Variants in NR2F1-AS1 observed in about 807,000 individuals in gnomAD.
NR2F1-AS1 encodes NR2F1 antisense RNA 1.
intron 4 of NR2F1-AS1, among the ~76,000 whole-genome samples, chr5:93,419,062 G>A (rs543846259): frequency 6.6e-6 from 1 of 152,252 alleles, no homozygotes; most frequent in South Asian, 2.1e-4. Flanking sequence ...ACATTACCAT[G>A]TTCACTACAG....
At chr5:93,543,174 G>A (rs1312505233) in intron 4 of NR2F1-AS1, 1 of 152,098 alleles carries the variant, frequency 6.6e-6, no homozygotes, top group Non-Finnish European at 1.5e-5. Context: ...AAGCCTCCAG[G>A]ACTCTCCAAA....
At chr5:93,527,750 G>C (rs1299864679) in intron 4 of NR2F1-AS1, among the ~76,000 whole-genome samples, 1 of 152,118 alleles carries the variant, frequency 6.6e-6, no homozygotes, top group Non-Finnish European at 1.5e-5. Flanking sequence ...ATGGGGAAAG[G>C]ACTCCCTATT....
chr5:93,585,083 C>T (rs753932507), upstream of NR2F1-AS1: 20 of 1,021,420 alleles, frequency 2.0e-5, no homozygotes, highest in Admixed American at 5.5e-5. Flanking sequence ...GGGGCAACCC[C>T]GGCGGCCCCA....
At chr5:93,573,417 A>C (rs1229050246) in intron 1 of NR2F1-AS1, among the ~76,000 whole-genome samples, 1 of 152,138 alleles carries the variant, frequency 6.6e-6, no homozygotes. Context: ...CTTTGCCCAG[A>C]TGCGCCTTTC....
Position 93,409,502 on chromosome 5 carries a change from C to A in NR2F1-AS1, n.639-13960G>T, listed in dbSNP as rs1462761483. On this transcript the variant is annotated intron_variant and non_coding_transcript_variant, in intron 4 of 5. Transcript: ENST00000660523. Reference sequence around the variant, plus strand: ...TGCACAGATGGACACTCCAAGAAATCTTCCAGAACAGGAAATAAATATCTA... The same window carrying A: ...TGCACAGATGGACACTCCAAGAAATATTCCAGAACAGGAAATAAATATCTA... 4 of 152,134 alleles carry A rather than the reference C, an allele frequency of 2.6e-5. No individual in the cohort carries two copies. The East Asian group carries it at 7.7e-4, about 29-fold the overall frequency. The allele number at this position is 152,134 out of a possible 1,614,324, so 9.4% of individuals were successfully genotyped here.
At chr5:93,416,062 G>A (rs1748961272) in intron 4 of NR2F1-AS1, among the ~76,000 whole-genome samples, 1 of 152,144 alleles carries the variant, frequency 6.6e-6, no homozygotes, top group African/African-American at 2.4e-5. Context: ...ATTAAGGAGA[G>A]GATAGATTAT....
intron 1 of NR2F1-AS1, among the ~76,000 whole-genome samples, chr5:93,568,360 G>A (rs946261380): frequency 2.0e-5 from 3 of 152,042 alleles, no homozygotes; most frequent in Non-Finnish European, 4.4e-5. Flanking sequence ...AAATTTATTT[G>A]TGCTTCTGTA....
intron 4 of NR2F1-AS1, among the ~76,000 whole-genome samples, chr5:93,473,537 A>T (rs1367087673): frequency 1.3e-5 from 2 of 151,712 alleles, no homozygotes; most frequent in Non-Finnish European, 2.9e-5. Flanking sequence ...ATTATTATTA[A>T]TGATTAAGTT....
At chr5:93,452,622 G>C (rs1362691963) in intron 4 of NR2F1-AS1, among the ~76,000 whole-genome samples, 1 of 152,166 alleles carries the variant, frequency 6.6e-6, no homozygotes, top group Admixed American at 6.5e-5. Context: ...AACTCCTCAA[G>C]GCTGAGGAAA....
At chr5:93,491,472 A>G (rs1275162860) in intron 4 of NR2F1-AS1, among the ~76,000 whole-genome samples, 1 of 152,030 alleles carries the variant, frequency 6.6e-6, no homozygotes, top group African/African-American at 2.4e-5. Flanking sequence ...AATGAACTGT[A>G]ATGATTAATT....
chr5:93,526,286 TC>T (rs1354532512), intron 4 of NR2F1-AS1, among the ~76,000 whole-genome samples: 1 of 151,892 alleles, frequency 6.6e-6, no homozygotes, highest in Non-Finnish European at 1.5e-5. Flanking sequence ...ACATACACCC[TC>T]CCAATATGAA....
chr5:93,541,027 C>T (rs938070590), intron 4 of NR2F1-AS1, among the ~76,000 whole-genome samples: 2 of 152,138 alleles, frequency 1.3e-5, no homozygotes, highest in African/African-American at 4.8e-5. Flanking sequence ...TTTCTCCTGC[C>T]TCAGGTTTCC....
intron 4 of NR2F1-AS1, among the ~76,000 whole-genome samples, chr5:93,458,564 A>G (rs1750004693): frequency 6.6e-6 from 1 of 152,226 alleles, no homozygotes; most frequent in South Asian, 2.1e-4. Context: ...AGTAGAAAGT[A>G]TAAAACTCCC....
At chr5:93,429,021 G>C (rs980910208) in intron 4 of NR2F1-AS1, among the ~76,000 whole-genome samples, 1 of 152,258 alleles carries the variant, frequency 6.6e-6, no homozygotes, top group African/African-American at 2.4e-5. Flanking sequence ...CAAAGGCCCA[G>C]ACTGGCTTCA....
intron 4 of NR2F1-AS1, among the ~76,000 whole-genome samples, chr5:93,540,828 ACT>A (rs1186294608): frequency 2.6e-5 from 4 of 151,994 alleles, no homozygotes; most frequent in African/African-American, 9.7e-5. Context: ...AAATTGAGAG[ACT>A]CTGGGGGAGA....
At chr5:93,446,150 A>G (rs983125635) in intron 4 of NR2F1-AS1, among the ~76,000 whole-genome samples, 3 of 152,214 alleles carry the variant, frequency 2.0e-5, no homozygotes, top group African/African-American at 7.2e-5. Flanking sequence ...TAAGACAGGG[A>G]TGCCCTCTCT....
intron 4 of NR2F1-AS1, among the ~76,000 whole-genome samples, chr5:93,416,596 T>C (rs1035065674): frequency 7.9e-5 from 12 of 152,322 alleles, no homozygotes; most frequent in African/African-American, 2.9e-4. Flanking sequence ...TACCTTATAT[T>C]ATCTCATTTA....
chr5:93,420,213 T>C (rs768239303), intron 4 of NR2F1-AS1, among the ~76,000 whole-genome samples: 7 of 151,976 alleles, frequency 4.6e-5, no homozygotes, highest in Non-Finnish European at 8.8e-5. Context: ...ACAAAAAAAA[T>C]TGTATCATCT....
chr5:93,553,502 G>C (rs528284267), intron 4 of NR2F1-AS1, among the ~76,000 whole-genome samples: 36 of 152,210 alleles, frequency 2.4e-4, no homozygotes, highest in African/African-American at 8.7e-4. Context: ...TGTGTTATAA[G>C]GAATGAGAAT....
Sources: gnomAD v4.1 joint callset for allele counts (sites outside exome capture counted in the v4.1 genomes callset) on GRCh38, gnomAD v4.1.1 for gene constraint, MANE v1.5 for transcripts, NCBI Gene and HGNC (gene_info 2026-07-23, HGNC 2026-07-21) for gene names.